SEMA6D: variants seen among roughly 807,000 people sequenced by gnomAD.
SEMA6D encodes the protein semaphorin 6D.
A neutral mutation model predicts 106.6 loss-of-function variants in SEMA6D; 35 were observed. That is an observed-to-expected ratio of 0.33 (90% CI 0.25 to 0.44). The LOEUF is 0.44. Ranked by LOEUF, SEMA6D falls within the 20% of genes least tolerant of loss-of-function variation. The pLI is 1.00. For missense variants in SEMA6D, 1,185 were observed against 1,345.9 expected (o/e 0.88, Z 1.87); for synonymous variants, 499 against 487.7 (o/e 1.02, Z -0.31).
At chr15:47,426,974 T>C (rs770404516) in intron 2 of SEMA6D, among the ~76,000 whole-genome samples, 44 of 152,294 alleles carry the variant, frequency 2.9e-4, no homozygotes, top group Non-Finnish European at 4.4e-4. Context: ...CATGCTTCTT[T>C]ATATGGGTTA....
intron 3 of SEMA6D, among the ~76,000 whole-genome samples, chr15:47,582,440 A>G (rs554428503): frequency 6.6e-6 from 1 of 152,326 alleles, no homozygotes; most frequent in East Asian, 1.9e-4. Context: ...ACAATAGGCT[A>G]AATGCCACAG....
rs1231708516 is a variant in SEMA6D at position 47,485,099 on chromosome 15, T to C, written c.-87+14554T>C. On this transcript the variant is annotated intron_variant, in intron 3 of 19. Transcript: ENST00000558014. ...CACTTCAAATTGGCATTTATGTGTA[T>C]GTGGCTTTTATGCTACAGGAGATTC... Among the ~76,000 whole-genome samples, 3 of 152,338 alleles carry C rather than the reference T, an allele frequency of 2.0e-5. No homozygotes were observed. The East Asian group carries it at 5.8e-4, about 29-fold the overall frequency.
chr15:47,642,343 A>G (rs1237658432), intron 4 of SEMA6D, among the ~76,000 whole-genome samples: 1 of 152,180 alleles, frequency 6.6e-6, no homozygotes, highest in African/African-American at 2.4e-5. Flanking sequence ...GCAGAGATTA[A>G]ACATCTTGGT....
chr15:47,582,900 A>T (rs2076278646), intron 3 of SEMA6D, among the ~76,000 whole-genome samples: 1 of 151,940 alleles, frequency 6.6e-6, no homozygotes, highest in Admixed American at 6.6e-5. Context: ...CTATACCTTT[A>T]TGCCTTTTAC....
chr15:47,625,948 A>T (rs1237037193), intron 4 of SEMA6D, among the ~76,000 whole-genome samples: 2 of 152,190 alleles, frequency 1.3e-5, no homozygotes, highest in Non-Finnish European at 2.9e-5. Flanking sequence ...GCCATTACTT[A>T]AAACATTTTC....
chr15:47,658,725 T>A (rs2145141280), intron 4 of SEMA6D, among the ~76,000 whole-genome samples: 1 of 152,236 alleles, frequency 6.6e-6, no homozygotes, highest in South Asian at 2.1e-4. Context: ...GTCACAATAA[T>A]CCACATTAAG....
At chr15:47,719,810 C>T (rs894518024) in intron 1 of SEMA6D, among the ~76,000 whole-genome samples, 1 of 152,188 alleles carries the variant, frequency 6.6e-6, no homozygotes, top group Non-Finnish European at 1.5e-5. Flanking sequence ...TCCCCTTACT[C>T]TCTTAGGTGT....
rs575861936 is a variant in SEMA6D, at chr15:47,281,699, A to G, written c.-239+97281A>G. On this transcript the variant is annotated intron_variant, in intron 1 of 19. Transcript: ENST00000558014. ...TTGATATAATGTCTGTGCATCTAATAGAGCACAGTATAATGTTAACATAAA... is the reference window on the plus strand; with the variant it reads ...TTGATATAATGTCTGTGCATCTAATGGAGCACAGTATAATGTTAACATAAA... 3.3e-5 allele frequency among the ~76,000 whole-genome samples: 5 copies of G among 152,290 alleles called. No homozygotes were observed. In the South Asian group the frequency reaches 1.0e-3, roughly 32 times the overall value.
chr15:47,688,119 A>T (rs749910763), intron 4 of SEMA6D, among the ~76,000 whole-genome samples: 1 of 152,162 alleles, frequency 6.6e-6, no homozygotes, highest in Non-Finnish European at 1.5e-5. Context: ...AGAGAATTAG[A>T]TATAAAATAT....
At chr15:47,728,521 C>T (rs1487772126) in intron 1 of SEMA6D, among the ~76,000 whole-genome samples, 1 of 152,180 alleles carries the variant, frequency 6.6e-6, no homozygotes, top group Admixed American at 6.5e-5. Flanking sequence ...TTTTGGGGCA[C>T]TTAGTTTTAC....
intron 4 of SEMA6D, among the ~76,000 whole-genome samples, chr15:47,650,283 A>G (rs1417163141): frequency 6.6e-6 from 1 of 152,196 alleles, no homozygotes; most frequent in Non-Finnish European, 1.5e-5. Flanking sequence ...TCCATACACC[A>G]GGCTGTAGAT....
chr15:47,458,187 T>C (rs746953180), intron 2 of SEMA6D, among the ~76,000 whole-genome samples: 4 of 152,036 alleles, frequency 2.6e-5, no homozygotes, highest in Non-Finnish European at 5.9e-5. Flanking sequence ...TAAAAATCTC[T>C]TTAAAATACC....
At position 47,622,201 on chromosome 15, in the gene SEMA6D, CAA is replaced by C. The variant is rs199839582; in HGVS notation, c.-55+21322_-55+21323del. On this transcript the variant is annotated intron_variant, in intron 4 of 19. Transcript: ENST00000558014. ...TATGCATATGCAGGTGAAACCCAGC[CAA>C]AAAAAAAAAAAAAAAAGAAATGAAA... Among the ~76,000 whole-genome samples, 443 of 62,754 alleles carry C rather than the reference CAA, an allele frequency of 7.1e-3. 2 individuals carry two copies. Among genetic ancestry groups the C allele is most frequent in the African/African-American group, 0.02 (397 of 19,974 alleles). 41.2% of individuals were successfully genotyped at this position (62,754 alleles called of 152,430 possible). A position where few individuals can be genotyped will look rare whatever the true frequency, so the allele number is the denominator to read the frequency against.
At chr15:47,608,558 T>C (rs2076829788) in intron 4 of SEMA6D, among the ~76,000 whole-genome samples, 1 of 152,208 alleles carries the variant, frequency 6.6e-6, no homozygotes, top group Admixed American at 6.5e-5. Flanking sequence ...TCATAATTTC[T>C]CTTCCCAGTT....
intron 5 of SEMA6D, 51 bp from the exon 6 acceptor site, chr15:47,761,279 G>GT (rs773332083): frequency 1.2e-6 from 2 of 1,610,318 alleles, no homozygotes; most frequent in South Asian, 2.2e-5. Context: ...TGATACCACA[G>GT]TGCCAGCATG....
intron 1 of SEMA6D, among the ~76,000 whole-genome samples, chr15:47,282,267 C>T (rs1194021368): frequency 3.3e-5 from 5 of 152,164 alleles, no homozygotes; most frequent in Non-Finnish European, 7.3e-5. Context: ...CTTCTAGTAG[C>T]ATAGATGCTT....
rs746812700 is a variant in SEMA6D, at chr15:47,764,950, G to C, written c.1321G>C (p.Val441Leu). Reference protein sequence around the residue: ...GPYQNYTVIFVGSEAGMVLKV... With the variant: ...GPYQNYTVIFLGSEAGMVLKV... ...CTACCAGAACTACACAGTCATCTTTGTTGGCTCTGAAGCTGGCATGGTACT... is the reference window on the plus strand; with the variant it reads ...CTACCAGAACTACACAGTCATCTTTCTTGGCTCTGAAGCTGGCATGGTACT... The change falls in exon 13 of 19, where the codon GTT (valine) becomes CTT (leucine). Residue 441 changes from valine (V) to leucine (L), a missense_variant. This residue lies in a region of SEMA6D where 291 missense variants were observed against 423.8 expected (regional missense o/e 0.69). Transcript: ENST00000536845. 6.2e-7 allele frequency: 1 copy of C among 1,613,934 alleles called. No homozygotes were observed. Among genetic ancestry groups the C allele is most frequent in the Non-Finnish European group, 8.5e-7 (1 of 1,179,874 alleles).
At chr15:47,634,105 A>T (rs1055112186) in intron 4 of SEMA6D, among the ~76,000 whole-genome samples, 3 of 152,164 alleles carry the variant, frequency 2.0e-5, no homozygotes, top group Non-Finnish European at 4.4e-5. Flanking sequence ...ATGCCGACAT[A>T]TGATTTCTCT....
intron 3 of SEMA6D, among the ~76,000 whole-genome samples, chr15:47,493,699 G>T (rs1231448910): frequency 6.6e-6 from 1 of 151,962 alleles, no homozygotes; most frequent in African/African-American, 2.4e-5. Flanking sequence ...TATATTTTTG[G>T]GAGGTAAAAT....
Sources: gnomAD v4.1 joint callset for allele counts (sites outside exome capture counted in the v4.1 genomes callset) on GRCh38, gnomAD v4.1.1 for gene constraint, gnomAD v4.1.1 regional missense constraint, MANE v1.5 for transcripts, NCBI Gene and HGNC (gene_info 2026-07-23, HGNC 2026-07-21) for gene names.